CCNY: variants seen among roughly 807,000 people sequenced by gnomAD.
CCNY encodes the protein cyclin-Y.
In CCNY, 19 loss-of-function variants were observed where a neutral mutation model predicts 42.8. The observed-to-expected ratio is 0.44, with a 90% CI of 0.31 to 0.65. The LOEUF is 0.65. Among genes scored for constraint, CCNY ranks in the 30% least tolerant of loss-of-function variants. The pLI is 0.07. For missense variants in CCNY, 370 were observed against 437.3 expected, an observed-to-expected ratio of 0.85 and a Z score of 1.37; for synonymous variants, 165 against 162.7, an observed-to-expected ratio of 1.01 and a Z score of -0.11.
chr10:35,446,535 G>A (rs1838793728), intron 1 of CCNY, among the ~76,000 whole-genome samples: 1 of 152,244 alleles, frequency 6.6e-6, no homozygotes, highest in South Asian at 2.1e-4. Flanking sequence ...AAGTGTGGTA[G>A]TGTAGATTTG....
intron 1 of CCNY, among the ~76,000 whole-genome samples, chr10:35,354,699 C>T (rs116367370): frequency 8.6e-5 from 13 of 152,022 alleles, no homozygotes; most frequent in East Asian, 1.9e-4. Context: ...AACTGACTTC[C>T]GCAAAACAGA....
intron 4 of CCNY, among the ~76,000 whole-genome samples, chr10:35,519,207 A>G (rs908463866): frequency 2.6e-5 from 4 of 151,970 alleles, no homozygotes; most frequent in Admixed American, 2.0e-4. Context: ...TGGCTGAGGC[A>G]TACTGTGGGT....
chr10:35,465,938 A>AGTGTGTGTGTGTGTGTGTGTGTGTGT (rs1312410028), intron 1 of CCNY, among the ~76,000 whole-genome samples: 1 of 80,958 alleles, frequency 1.2e-5, no homozygotes, highest in African/African-American at 4.4e-5. Context: ...AGAGAGAGAG[A>AGTGTGTGTGTGTGTGTGTGTGTGTGT]GTGTGTGTGT....
rs566546937 is a variant in CCNY, at chr10:35,474,739, C to G, written c.155-8665C>G. Among the ~76,000 whole-genome samples, 3 of 152,234 alleles carry G rather than the reference C, an allele frequency of 2.0e-5. No individual in the cohort carries two copies. The East Asian group carries it at 5.8e-4, about 29-fold the overall frequency. On this transcript the variant is annotated intron_variant, in intron 1 of 9. Coordinates refer to ENST00000374704, the MANE Select transcript of CCNY (RefSeq NM_145012.6). ...ACTGGAAACTCTAAAAATCAGAGCG[C>G]CTCTCCTCCTCCAAAGGAACGCAGC...
At chr10:35,297,784 C>T (rs1020498780) in intron 3 of CCNY, among the ~76,000 whole-genome samples, 3 of 152,120 alleles carry the variant, frequency 2.0e-5, no homozygotes, top group East Asian at 1.9e-4. Flanking sequence ...AGCTAACCAG[C>T]GAGGTGAAAG....
intron 1 of CCNY, among the ~76,000 whole-genome samples, chr10:35,461,834 A>G (rs181005304): frequency 2.0e-5 from 3 of 152,282 alleles, no homozygotes; most frequent in Admixed American, 2.0e-4. Context: ...TTATTGAGGT[A>G]TCTCAGTGTT....
At chr10:35,428,182 C>T (rs1220672761) in intron 1 of CCNY, among the ~76,000 whole-genome samples, 1 of 152,166 alleles carries the variant, frequency 6.6e-6, no homozygotes, top group Non-Finnish European at 1.5e-5. Flanking sequence ...GTGTTCTTTA[C>T]AGTCTAATGG....
chr10:35,360,123 A>C (rs746765833), intron 1 of CCNY, among the ~76,000 whole-genome samples: 6 of 152,176 alleles, frequency 3.9e-5, no homozygotes, highest in Admixed American at 6.5e-5. Context: ...TTGGGTATGT[A>C]CTCAGAAGTG....
At chr10:35,297,136 G>A (rs377141431) in intron 3 of CCNY, among the ~76,000 whole-genome samples, 5 of 150,610 alleles carry the variant, frequency 3.3e-5, no homozygotes, top group Admixed American at 1.3e-4. Flanking sequence ...GGGATGCAAG[G>A]CTAGTTCAAT....
chr10:35,360,640 A>T (rs1191853598), intron 1 of CCNY, among the ~76,000 whole-genome samples: 1 of 152,140 alleles, frequency 6.6e-6, no homozygotes, highest in Non-Finnish European at 1.5e-5. Context: ...TAGAAAATTT[A>T]AAAAAGTATA....
chr10:35,357,890 A>G (rs1365881617), intron 1 of CCNY, among the ~76,000 whole-genome samples: 3 of 152,052 alleles, frequency 2.0e-5, no homozygotes, highest in Admixed American at 6.5e-5. Flanking sequence ...AGTATGGGTC[A>G]TGGATTGTTA....
Position 35,556,881 on chromosome 10 carries a change from T to C in CCNY, c.746+3696T>C, listed in dbSNP as rs185591296. Among the ~76,000 whole-genome samples the C allele has an allele frequency of 2.4e-4, 37 of 152,138 alleles. No homozygotes were observed. The East Asian group carries it at 6.0e-3, about 25-fold the overall frequency. On this transcript the variant is annotated intron_variant, in intron 8 of 9. Coordinates refer to ENST00000374704, the MANE Select transcript of CCNY (RefSeq NM_145012.6). ...TTTTTTTAAGACAGAGTTTCATTGT[T>C]GTTGCCCAGGCTGGAGTCCAATGGC...
intron 3 of CCNY, among the ~76,000 whole-genome samples, chr10:35,328,557 C>G (rs1835904915): frequency 6.6e-6 from 1 of 152,234 alleles, no homozygotes; most frequent in Non-Finnish European, 1.5e-5. Context: ...ACTCATTTCT[C>G]AGGCTCCTGA....
chr10:35,470,274 C>T (rs1233690950), intron 1 of CCNY, among the ~76,000 whole-genome samples: 1 of 150,848 alleles, frequency 6.6e-6, no homozygotes, highest in African/African-American at 2.4e-5. Context: ...GACGGACAGG[C>T]AGGTGGAGAG....
At chr10:35,403,344 C>G (rs906507811) in intron 1 of CCNY, among the ~76,000 whole-genome samples, 1 of 152,078 alleles carries the variant, frequency 6.6e-6, no homozygotes, top group African/African-American at 2.4e-5. Flanking sequence ...TTTCCTTGGT[C>G]TAAGAACCAT....
intron 1 of CCNY, among the ~76,000 whole-genome samples, chr10:35,467,338 C>T (rs1839290451): frequency 6.6e-6 from 1 of 152,182 alleles, no homozygotes; most frequent in African/African-American, 2.4e-5. Context: ...ATAGTGTTCT[C>T]AGTGAATACC....
At chr10:35,261,021 G>A (rs2095719141) in intron 3 of CCNY, among the ~76,000 whole-genome samples, 1 of 152,144 alleles carries the variant, frequency 6.6e-6, no homozygotes, top group Non-Finnish European at 1.5e-5. Context: ...CAAAGTGGGA[G>A]GATCACTTGA....
chr10:35,487,410 C>T (rs1043640543), intron 2 of CCNY, among the ~76,000 whole-genome samples: 1 of 152,196 alleles, frequency 6.6e-6, no homozygotes, highest in African/African-American at 2.4e-5. Context: ...AGACATGCAG[C>T]TCCTGGGTCT....
chr10:35,431,426 C>T (rs1262114074), intron 1 of CCNY, among the ~76,000 whole-genome samples: 1 of 102,966 alleles, frequency 9.7e-6, no homozygotes, highest in Non-Finnish European at 2.0e-5. Flanking sequence ...CTCTCTCTCT[C>T]TCTCTCTCTC....
Sources: allele counts gnomAD v4.1 joint callset (sites outside exome capture counted in the v4.1 genomes callset), GRCh38; gene constraint gnomAD v4.1.1; transcripts MANE v1.5; gene names NCBI Gene and HGNC (gene_info 2026-07-23, HGNC 2026-07-21).